The following FGF12 variants were observed in gnomAD, a reference collection of about 807,000 sequenced individuals.
The protein encoded by FGF12 is fibroblast growth factor 12B.
Under a neutral mutation model 23.6 loss-of-function variants are expected in FGF12, and 14 were observed. That is an observed-to-expected ratio of 0.59 (90% CI 0.39 to 0.93). The LOEUF is 0.93. Ranked by LOEUF, FGF12 falls within the 40% of genes least tolerant of loss-of-function variation. The pLI is 0.00. For synonymous variants in FGF12, 62 were observed against 77.3 expected, an observed-to-expected ratio of 0.80 and a Z score of 1.04; for missense variants, 175 against 217.8, an observed-to-expected ratio of 0.80 and a Z score of 1.24.
At chr3:192,531,498 C>T (rs1457298766) in intron 2 of FGF12, among the ~76,000 whole-genome samples, 2 of 152,130 alleles carry the variant, frequency 1.3e-5, no homozygotes, top group South Asian at 2.1e-4. Context: ...TACAGAAGAT[C>T]TTCTTCAAAA....
chr3:192,161,464 GTAAC>G (rs770173740), intron 5 of FGF12, among the ~76,000 whole-genome samples: 3 of 150,688 alleles, frequency 2.0e-5, no homozygotes, highest in African/African-American at 7.3e-5. Flanking sequence ...AACTGATTAA[GTAAC>G]TAAATTGAAT....
chr3:192,662,307 A>G (rs911966048), intron 2 of FGF12, among the ~76,000 whole-genome samples: 1 of 152,222 alleles, frequency 6.6e-6, no homozygotes, highest in African/African-American at 2.4e-5. Context: ...GTAGCTGAAC[A>G]CTTCCTGTAT....
chr3:192,323,901 C>A (rs1009887393), intron 4 of FGF12, among the ~76,000 whole-genome samples: 1 of 151,694 alleles, frequency 6.6e-6, no homozygotes, highest in East Asian at 1.9e-4. Flanking sequence ...GACCAGCCTG[C>A]GCAACACAGT....
intron 2 of FGF12, among the ~76,000 whole-genome samples, chr3:192,399,152 G>A (rs1440999704): frequency 6.6e-6 from 1 of 151,702 alleles, no homozygotes; most frequent in African/African-American, 2.4e-5. Context: ...GCCTTGGACA[G>A]AACGTTTATG....
At chr3:192,275,800 T>A (rs1713747963) in intron 4 of FGF12, among the ~76,000 whole-genome samples, 1 of 152,196 alleles carries the variant, frequency 6.6e-6, no homozygotes, top group Non-Finnish European at 1.5e-5. Context: ...TTACTCATTG[T>A]TCTCCAGGAA....
intron 2 of FGF12, among the ~76,000 whole-genome samples, chr3:192,488,938 A>C (rs536999675): frequency 6.6e-6 from 1 of 152,094 alleles, no homozygotes; most frequent in Non-Finnish European, 1.5e-5. Context: ...GATAGAAATA[A>C]AGTCACATGA....
intron 4 of FGF12, among the ~76,000 whole-genome samples, chr3:192,243,643 G>A (rs1399754346): frequency 6.6e-6 from 1 of 151,288 alleles, no homozygotes; most frequent in African/African-American, 2.4e-5. Context: ...AAATGACAAC[G>A]GAATAGGAAG....
At chr3:192,263,916 A>G (rs947267183) in intron 4 of FGF12, among the ~76,000 whole-genome samples, 2 of 152,050 alleles carry the variant, frequency 1.3e-5, no homozygotes, top group African/African-American at 4.8e-5. Context: ...TTCTTCTTTG[A>G]CTCAAAATCA....
intron 2 of FGF12, among the ~76,000 whole-genome samples, chr3:192,575,870 T>G (rs1414196723): frequency 6.6e-6 from 1 of 152,204 alleles, no homozygotes; most frequent in Non-Finnish European, 1.5e-5. Context: ...TAATACATTG[T>G]AATTATTATG....
intron 4 of FGF12, chr3:192,283,141 T>C (rs1714248627): frequency 6.6e-6 from 1 of 152,188 alleles, no homozygotes; most frequent in East Asian, 1.9e-4. Flanking sequence ...TTTCGTGACA[T>C]GAATGGCATA....
chr3:192,435,500 T>G (rs574227349), intron 2 of FGF12, among the ~76,000 whole-genome samples: 181 of 152,310 alleles, frequency 1.2e-3, no homozygotes, highest in African/African-American at 4.1e-3. Context: ...TTTCGGGAAG[T>G]TGGCGATCCA....
chr3:192,637,247 G>A (rs950344474), intron 2 of FGF12, among the ~76,000 whole-genome samples: 2 of 152,162 alleles, frequency 1.3e-5, no homozygotes, highest in Non-Finnish European at 2.9e-5. Context: ...GAATAGCCAT[G>A]TTCTGCACCT....
intron 4 of FGF12, among the ~76,000 whole-genome samples, chr3:192,188,173 A>G (rs1176423188): frequency 1.3e-5 from 2 of 152,244 alleles, no homozygotes; most frequent in Admixed American, 6.5e-5. Context: ...AATGAAATCT[A>G]GAATTCAAAG....
intron 4 of FGF12, among the ~76,000 whole-genome samples, chr3:192,281,656 G>A (rs1480274530): frequency 6.6e-6 from 1 of 152,038 alleles, no homozygotes; most frequent in African/African-American, 2.4e-5. Context: ...CTCAGCTTGG[G>A]CACTTAGCAA....
intron 4 of FGF12, among the ~76,000 whole-genome samples, chr3:192,194,112 A>C (rs1277378773): frequency 1.3e-5 from 2 of 152,226 alleles, no homozygotes; most frequent in African/African-American, 4.8e-5. Flanking sequence ...TATTTTATAA[A>C]ATGCATAGCT....
At chr3:192,204,752 A>G (rs1262804717) in intron 4 of FGF12, among the ~76,000 whole-genome samples, 3 of 152,016 alleles carry the variant, frequency 2.0e-5, no homozygotes, top group Non-Finnish European at 2.9e-5. Flanking sequence ...TGGGCGTGGT[A>G]GCATGCACCT....
intron 2 of FGF12, among the ~76,000 whole-genome samples, chr3:192,538,712 CTG>C (rs563404438): frequency 4.3e-4 from 66 of 152,228 alleles, no homozygotes; most frequent in Admixed American, 3.7e-3. Context: ...TGCATGGAGT[CTG>C]TACATTGCTT....
At chr3:192,448,201 T>C (rs1576988577) in intron 2 of FGF12, among the ~76,000 whole-genome samples, 1 of 152,328 alleles carries the variant, frequency 6.6e-6, no homozygotes, top group East Asian at 1.9e-4. Flanking sequence ...TTCCTGTTAT[T>C]AGCCATGCTT....
chr3:192,168,162 T>G (rs900004465), intron 5 of FGF12, among the ~76,000 whole-genome samples: 3 of 152,288 alleles, frequency 2.0e-5, no homozygotes. Flanking sequence ...CTTTTCTTCA[T>G]ACTTTCCTAA....
Sources: gnomAD v4.1 joint callset for allele counts (sites outside exome capture counted in the v4.1 genomes callset) on GRCh38, gnomAD v4.1.1 for gene constraint, MANE v1.5 for transcripts, NCBI Gene and HGNC (gene_info 2026-07-23, HGNC 2026-07-21) for gene names.